The following ASIC2 variants were observed in gnomAD, a reference collection of about 807,000 sequenced individuals.
The protein encoded by ASIC2 is acid sensing ion channel subunit 2, also known as acid-sensing ion channel 2.
In ASIC2, 25 loss-of-function variants were observed where a neutral mutation model predicts 57.3. The ratio of observed to expected loss-of-function variants is 0.44; its 90% CI spans 0.32 to 0.61. The LOEUF (loss-of-function observed/expected upper bound fraction) is 0.61, where lower values mean the gene tolerates loss of function less well. Ranked by LOEUF, ASIC2 falls within the 20% of genes least tolerant of loss-of-function variation. ASIC2 has a pLI of 0.06. For synonymous variants in ASIC2, 319 were observed against 307.5 expected (o/e 1.04, Z -0.39); for missense variants, 641 against 738.1 (o/e 0.87, Z 1.52).
chr17:33,756,393 G>A (rs1402720085), intron 1 of ASIC2, among the ~76,000 whole-genome samples: 1 of 152,212 alleles, frequency 6.6e-6, no homozygotes, highest in East Asian at 1.9e-4. Flanking sequence ...TGGGCCTGCA[G>A]CTTTAGGATT....
chr17:33,632,261 T>C (rs946918470), intron 1 of ASIC2, among the ~76,000 whole-genome samples: 9 of 152,206 alleles, frequency 5.9e-5, no homozygotes, highest in Non-Finnish European at 1.3e-4. Context: ...CATTTAAGAA[T>C]GTCTAATGTT....
At chr17:33,317,547 A>G (rs1248493534) in intron 1 of ASIC2, among the ~76,000 whole-genome samples, 7 of 152,204 alleles carry the variant, frequency 4.6e-5, no homozygotes, top group African/African-American at 1.2e-4. Context: ...CCTTTTTACA[A>G]TTCCTTTCCA....
intron 1 of ASIC2, among the ~76,000 whole-genome samples, chr17:33,852,403 C>T (rs1913793567): frequency 6.6e-6 from 1 of 152,138 alleles, no homozygotes; most frequent in African/African-American, 2.4e-5. Flanking sequence ...TGCTGACCAC[C>T]TACTTCAGGT....
chr17:33,368,657 T>G (rs1335790727), intron 1 of ASIC2, among the ~76,000 whole-genome samples: 1 of 152,234 alleles, frequency 6.6e-6, no homozygotes, highest in African/African-American at 2.4e-5. Context: ...ATGTTACCAC[T>G]GACCCCTGGC....
At chr17:34,132,591 T>C (rs1912018543) in intron 1 of ASIC2, among the ~76,000 whole-genome samples, 1 of 71,306 alleles carries the variant, frequency 1.4e-5, no homozygotes, top group Non-Finnish European at 4.3e-5. Context: ...AGAGTGCTGA[T>C]TGGTGCGTTT....
chr17:33,155,144 G>A (rs1485659307), intron 1 of ASIC2, among the ~76,000 whole-genome samples: 1 of 152,240 alleles, frequency 6.6e-6, no homozygotes, highest in African/African-American at 2.4e-5. Flanking sequence ...TGGGTTTGCT[G>A]TAAGGAGCCT....
At chr17:33,605,341 T>C (rs1415790442) in intron 1 of ASIC2, among the ~76,000 whole-genome samples, 1 of 152,246 alleles carries the variant, frequency 6.6e-6, no homozygotes, top group African/African-American at 2.4e-5. Context: ...GTGCAGGGTC[T>C]GTTTAAAAAC....
At chr17:34,066,331 T>C (rs891742120) in intron 1 of ASIC2, among the ~76,000 whole-genome samples, 1 of 152,218 alleles carries the variant, frequency 6.6e-6, no homozygotes, top group African/African-American at 2.4e-5. Context: ...TGGCCTTAGG[T>C]ACACATTAGA....
intron 1 of ASIC2, among the ~76,000 whole-genome samples, chr17:33,778,224 A>G (rs12452755): frequency 0.64 from 97,532 of 151,960 alleles, 32,216 homozygotes; most frequent in Non-Finnish European, 0.73. Context: ...GAATACTTAT[A>G]AAAAAAGCTC....
intron 1 of ASIC2, among the ~76,000 whole-genome samples, chr17:33,855,477 A>G (rs1261117280): frequency 2.6e-5 from 4 of 152,356 alleles, no homozygotes; most frequent in Non-Finnish European, 5.9e-5. Context: ...AAATTAATTC[A>G]TTCTGCAAAA....
chr17:33,212,237 T>C (rs1907304218), intron 1 of ASIC2, among the ~76,000 whole-genome samples: 1 of 152,206 alleles, frequency 6.6e-6, no homozygotes, highest in Non-Finnish European at 1.5e-5. Flanking sequence ...GGTAAGCTCC[T>C]TGAGATAAGA....
chr17:33,450,358 G>A (rs1476371619), intron 1 of ASIC2, among the ~76,000 whole-genome samples: 1 of 152,188 alleles, frequency 6.6e-6, no homozygotes, highest in African/African-American at 2.4e-5. Flanking sequence ...CCTCATGGGA[G>A]GTGAGCCTAC....
intron 1 of ASIC2, among the ~76,000 whole-genome samples, chr17:33,144,145 A>AAAAC (rs983157168): frequency 2.9e-5 from 4 of 137,144 alleles, no homozygotes; most frequent in Non-Finnish European, 6.3e-5. Flanking sequence ...CTGGAATTAA[A>AAAAC]AAACAAACAA....
intron 3 of ASIC2, among the ~76,000 whole-genome samples, chr17:33,075,729 G>A (rs1005608792): frequency 2.6e-5 from 4 of 152,138 alleles, no homozygotes; most frequent in African/African-American, 4.8e-5. Flanking sequence ...TATGTCCTGA[G>A]CACTGGGACA....
chr17:33,091,711 A>G (rs945034476), intron 2 of ASIC2, among the ~76,000 whole-genome samples: 2 of 152,198 alleles, frequency 1.3e-5, no homozygotes, highest in Non-Finnish European at 2.9e-5. Context: ...GTAAAATCCT[A>G]AAGTAGCCTC....
chr17:33,037,587 G>T (rs543896092), intron 3 of ASIC2, among the ~76,000 whole-genome samples: 1 of 152,026 alleles, frequency 6.6e-6, no homozygotes, highest in Non-Finnish European at 1.5e-5. Context: ...TTGTTTATCC[G>T]GGTAAGCAAA....
intron 1 of ASIC2, among the ~76,000 whole-genome samples, chr17:33,214,533 T>C (rs1907402223): frequency 6.6e-6 from 1 of 152,238 alleles, no homozygotes; most frequent in African/African-American, 2.4e-5. Context: ...TGCTGGTTAT[T>C]GTGTCTGGGA....
chr17:33,802,835 C>T (rs1005812009), intron 1 of ASIC2, among the ~76,000 whole-genome samples: 9 of 152,230 alleles, frequency 5.9e-5, no homozygotes, highest in African/African-American at 1.9e-4. Flanking sequence ...CTCTTGTGTG[C>T]TCTTTCGTGG....
intron 3 of ASIC2, among the ~76,000 whole-genome samples, chr17:33,048,299 G>A (rs935480340): frequency 6.6e-6 from 1 of 152,152 alleles, no homozygotes; most frequent in Non-Finnish European, 1.5e-5. Context: ...ACCTCGAGCT[G>A]ACTAAGAATC....
Sources: gnomAD v4.1 joint callset for allele counts (sites outside exome capture counted in the v4.1 genomes callset) on GRCh38, gnomAD v4.1.1 for gene constraint, MANE v1.5 for transcripts, NCBI Gene and HGNC (gene_info 2026-07-23, HGNC 2026-07-21) for gene names.